STPG2: variants seen among roughly 807,000 people sequenced by gnomAD.
STPG2 encodes the protein sperm tail PG-rich repeat containing 2, also known as sperm-tail PG-rich repeat-containing protein 2.
A neutral mutation model predicts 54.2 loss-of-function variants in STPG2; 56 were observed. That is an observed-to-expected ratio of 1.03 (90% CI 0.83 to 1.29). The LOEUF is 1.29. Among genes scored for constraint, STPG2 ranks in the 50% most tolerant of loss-of-function variants. The pLI, the probability that STPG2 is intolerant of heterozygous loss-of-function variation, is 0.00. For missense variants in STPG2, 596 were observed against 544.9 expected, an observed-to-expected ratio of 1.09 and a Z score of -0.93; for synonymous variants, 200 against 181.8, an observed-to-expected ratio of 1.10 and a Z score of -0.81.
intron 9 of STPG2, among the ~76,000 whole-genome samples, chr4:97,780,535 T>C (rs1480773450): frequency 2.2e-5 from 2 of 92,302 alleles, no homozygotes; most frequent in Admixed American, 1.3e-4. Flanking sequence ...GACAGAAAGT[T>C]AACAAGGATA....
At chr4:97,743,157 A>G (rs1165086698) in intron 9 of STPG2, among the ~76,000 whole-genome samples, 1 of 151,786 alleles carries the variant, frequency 6.6e-6, no homozygotes, top group Admixed American at 6.6e-5. Context: ...CTCTTAAGGT[A>G]TACATCACAG....
chr4:97,931,855 T>C (rs1261600607), intron 8 of STPG2, among the ~76,000 whole-genome samples: 1 of 152,148 alleles, frequency 6.6e-6, no homozygotes, highest in Non-Finnish European at 1.5e-5. Context: ...AATTCAGCTA[T>C]GAATCCATCA....
chr4:97,728,789 A>G (rs577779260), intron 9 of STPG2, among the ~76,000 whole-genome samples: 8 of 152,218 alleles, frequency 5.3e-5, no homozygotes, highest in African/African-American at 1.9e-4. Context: ...ACATCAGGCT[A>G]CAGAAAATAT....
intron 5 of STPG2, among the ~76,000 whole-genome samples, chr4:98,001,432 T>C (rs1292114463): frequency 1.3e-5 from 2 of 151,940 alleles, no homozygotes; most frequent in African/African-American, 4.8e-5. Flanking sequence ...CAACGTGAAC[T>C]TCCACAGAGT....
Position 98,134,428 on chromosome 4 carries a change from G to A in STPG2, c.141C>T (p.Ala47=). The part of the protein sequence containing the change: ...GSNAPFLSLT[A]RESTFTIASS... ...AGGCAATGGTAAAAGTACTTTCTCT[G>A]GCAGTCAAAGAAAGAAATGGTGCAT... The change falls in exon 2 of 11, where the codon GCC becomes GCT. Residue 47 remains alanine (A), a synonymous_variant. Coordinates refer to ENST00000295268, the MANE Select transcript of STPG2 (RefSeq NM_174952.3). The A allele has an allele frequency of 2.5e-6, 4 of 1,586,096 alleles. No individual in the cohort carries two copies. Among genetic ancestry groups the A allele is most frequent in the Non-Finnish European group, 3.4e-6 (4 of 1,163,648 alleles).
intron 8 of STPG2, among the ~76,000 whole-genome samples, chr4:97,847,406 G>C (rs1728987640): frequency 6.6e-6 from 1 of 152,038 alleles, no homozygotes; most frequent in Non-Finnish European, 1.5e-5. Context: ...TAAAATTATA[G>C]TATTAATTGT....
chr4:98,140,752 T>G (rs1487769401), intron 1 of STPG2, among the ~76,000 whole-genome samples: 1 of 152,050 alleles, frequency 6.6e-6, no homozygotes, highest in Non-Finnish European at 1.5e-5. Flanking sequence ...CCGGAGACCA[T>G]CTAGGTAGAG....
At chr4:97,644,755 C>T (rs979920143) in intron 10 of STPG2, among the ~76,000 whole-genome samples, 9 of 152,042 alleles carry the variant, frequency 5.9e-5, no homozygotes, top group East Asian at 5.8e-4. Flanking sequence ...AAGTGACTTA[C>T]CAGAGCATAA....
chr4:97,758,221 T>A (rs1725787408), intron 9 of STPG2, among the ~76,000 whole-genome samples: 1 of 152,136 alleles, frequency 6.6e-6, no homozygotes, highest in South Asian at 2.1e-4. Flanking sequence ...CTGCAAGGAA[T>A]GTGTAAAAGA....
chr4:98,060,925 G>A (rs549186337), intron 5 of STPG2, among the ~76,000 whole-genome samples: 23 of 152,076 alleles, frequency 1.5e-4, no homozygotes, highest in Non-Finnish European at 2.8e-4. Context: ...ACTCAAGATG[G>A]ATTAAAAACT....
At chr4:98,117,228 G>A (rs1177656169) in intron 3 of STPG2, among the ~76,000 whole-genome samples, 4 of 151,976 alleles carry the variant, frequency 2.6e-5, no homozygotes, top group African/African-American at 9.7e-5. Flanking sequence ...TTGATTGGCA[G>A]TCTGTTTTTT....
At chr4:97,815,877 C>T (rs1192758118) in intron 9 of STPG2, among the ~76,000 whole-genome samples, 1 of 151,980 alleles carries the variant, frequency 6.6e-6, no homozygotes, top group Non-Finnish European at 1.5e-5. Flanking sequence ...TTCCCAAATA[C>T]CTGTTTTTTT....
intron 5 of STPG2, among the ~76,000 whole-genome samples, chr4:98,021,107 T>A (rs967517566): frequency 2.0e-5 from 3 of 151,868 alleles, no homozygotes; most frequent in African/African-American, 7.3e-5. Context: ...TTAATTATGA[T>A]GTTAGGGTGT....
At chr4:97,955,173 A>G (rs928031061) in intron 7 of STPG2, among the ~76,000 whole-genome samples, 1 of 152,150 alleles carries the variant, frequency 6.6e-6, no homozygotes, top group African/African-American at 2.4e-5. Flanking sequence ...GAAATATCTA[A>G]ACTGTAGCAT....
At chr4:97,481,227 C>G (rs965982496) in intron 4 of STPG2, among the ~76,000 whole-genome samples, 1 of 151,434 alleles carries the variant, frequency 6.6e-6, no homozygotes, top group African/African-American at 2.4e-5. Flanking sequence ...AATTTTTGAA[C>G]CCTGAATTCT....
chr4:97,963,184 C>CA (rs1553929363), intron 7 of STPG2, among the ~76,000 whole-genome samples: 2 of 150,396 alleles, frequency 1.3e-5, no homozygotes, highest in African/African-American at 5.0e-5. Flanking sequence ...AACAAACAAA[C>CA]AAAAAAACAA....
intron 6 of STPG2, among the ~76,000 whole-genome samples, chr4:97,979,405 G>A (rs1457525614): frequency 6.6e-6 from 1 of 152,174 alleles, no homozygotes; most frequent in Non-Finnish European, 1.5e-5. Flanking sequence ...TACTGTGACT[G>A]TTGTGGGCCT....
intron 5 of STPG2, among the ~76,000 whole-genome samples, chr4:98,098,838 G>A (rs550748637): frequency 2.0e-5 from 3 of 152,164 alleles, no homozygotes; most frequent in Non-Finnish European, 4.4e-5. Flanking sequence ...CCCAAAAGAA[G>A]AAATACAAAT....
intron 10 of STPG2, among the ~76,000 whole-genome samples, chr4:97,673,393 C>A (rs1020780307): frequency 6.6e-6 from 1 of 152,082 alleles, no homozygotes; most frequent in Non-Finnish European, 1.5e-5. Flanking sequence ...AGATCTTTTG[C>A]CTTCACAGCA....
Sources: gnomAD v4.1 joint callset for allele counts (sites outside exome capture counted in the v4.1 genomes callset) on GRCh38, gnomAD v4.1.1 for gene constraint, MANE v1.5 for transcripts, NCBI Gene and HGNC (gene_info 2026-07-23, HGNC 2026-07-21) for gene names.